AFF3: variants seen among roughly 807,000 people sequenced by gnomAD.
AFF3 encodes ALF transcription elongation factor 3, also known as AF4/FMR2 family member 3.
Under a neutral mutation model 129.7 loss-of-function variants are expected in AFF3, and 32 were observed. That is an observed-to-expected ratio of 0.25 (90% CI 0.19 to 0.33). The LOEUF is 0.33. Ranked by LOEUF, AFF3 falls within the 10% of genes least tolerant of loss-of-function variation. AFF3 has a pLI of 1.00. For synonymous variants in AFF3, 644 were observed against 635.4 expected (o/e 1.01, Z -0.20); for missense variants, 1,373 against 1,592.0 (o/e 0.86, Z 2.34).
chr2:99,719,540 T>C (rs761868985), intron 11 of AFF3, among the ~76,000 whole-genome samples: 1 of 152,224 alleles, frequency 6.6e-6, no homozygotes, highest in Non-Finnish European at 1.5e-5. Context: ...TTAGTTCATT[T>C]GTTGGTGTTC....
Position 99,554,393 on chromosome 2 carries a change from G to A in AFF3, c.3477C>T (p.Ala1159=), listed in dbSNP as rs1231855389. Reference sequence around the variant, plus strand: ...TGCTGTTGGTGATGCTGACGTGGTTGGCCGCCATCTGGTGGATGCGCTGTG... The same window carrying A: ...TGCTGTTGGTGATGCTGACGTGGTTAGCCGCCATCTGGTGGATGCGCTGTG... ...SIPQRIHQMA[A]NHVSITNSIL... is the part of the protein sequence containing the mutation. Residue 1159 remains alanine, a synonymous_variant, in exon 24 of 25, where the codon GCC becomes GCT. Transcript: ENST00000672756. 6.2e-7 allele frequency: 1 copy of A among 1,614,082 alleles called. No homozygotes were observed. The highest frequency in any genetic ancestry group is 1.3e-5 in the African/African-American group (1 of 74,934).
chr2:99,647,766 A>G (rs1684824658), intron 13 of AFF3, among the ~76,000 whole-genome samples: 1 of 152,260 alleles, frequency 6.6e-6, no homozygotes, highest in East Asian at 1.9e-4. Context: ...TTCTGAATAG[A>G]AAAAGTGCTA....
intron 7 of AFF3, among the ~76,000 whole-genome samples, chr2:99,968,403 C>T (rs991080743): frequency 6.6e-6 from 1 of 152,194 alleles, no homozygotes; most frequent in African/African-American, 2.4e-5. Flanking sequence ...TAAGCATCTA[C>T]AGAGTTAAGG....
In AFF3 at chr2:99,628,544, CCTTT is replaced by C. The variant is rs201744998; in HGVS notation, c.1184+21078_1184+21081del. Among the ~76,000 whole-genome samples, 444 of 151,736 alleles carry C rather than the reference CCTTT, an allele frequency of 2.9e-3. 5 individuals are homozygous for C. The highest frequency in any genetic ancestry group is 1.0e-2 in the African/African-American group (412 of 41,370). Reference sequence around the variant, plus strand: ...ACTTCCTCTCTTCCTATTTGAATACCCTTTCTTTCTTTTTTTTTTTCTTTTTTCT... The same window carrying C: ...ACTTCCTCTCTTCCTATTTGAATACCCTTTCTTTTTTTTTTTCTTTTTTCT... On this transcript the variant is annotated intron_variant, in intron 13 of 24. Coordinates refer to ENST00000672756, the MANE Select transcript of AFF3 (RefSeq NM_001386135.1).
intron 7 of AFF3, among the ~76,000 whole-genome samples, chr2:99,889,888 G>A (rs1693416104): frequency 2.0e-5 from 3 of 152,100 alleles, no homozygotes; most frequent in South Asian, 2.1e-4. Context: ...TCGAACTCCC[G>A]ACCTCAGGTG....
chr2:100,124,819 T>A (rs1220819529), intron 2 of AFF3, among the ~76,000 whole-genome samples: 2 of 152,178 alleles, frequency 1.3e-5, no homozygotes. Context: ...GAATGTATAA[T>A]AAGGTCATAA....
intron 7 of AFF3, among the ~76,000 whole-genome samples, chr2:99,954,184 C>T (rs1676416728): frequency 6.6e-6 from 1 of 151,946 alleles, no homozygotes; most frequent in African/African-American, 2.4e-5. Context: ...ATACCTTTAG[C>T]ATTATCTAAA....
intron 8 of AFF3, among the ~76,000 whole-genome samples, chr2:99,802,688 G>A (rs1576027116): frequency 9.9e-6 from 1 of 101,068 alleles, no homozygotes; most frequent in Non-Finnish European, 2.0e-5. Context: ...ATTTTCCTAG[G>A]GTGTCTTTTT....
rs757050657 is a variant in AFF3, at chr2:100,008,892, G to T, written c.94C>A (p.Arg32=). The change falls in exon 5 of 25, where the codon CGA becomes AGA. Residue 32 remains arginine, a synonymous_variant. Transcript: ENST00000672756. ...PDRNALRRKE[R]ERRNQETQQD... ...TGAGTTTCTTGATTTCTTCTTTCTC[G>T]TTCTTTCCTCCGTAATGCATTTCTA... 2.5e-6 allele frequency: 4 copies of T among 1,613,820 alleles called. No homozygotes were observed. Among genetic ancestry groups the T allele is most frequent in the African/African-American group, 2.7e-5 (2 of 74,898 alleles).
intron 1 of AFF3, among the ~76,000 whole-genome samples, chr2:100,134,695 T>C (rs6732674): frequency 0.044 from 6,696 of 152,276 alleles, 392 homozygotes; most frequent in African/African-American, 0.14. Context: ...TAGCTTTTAC[T>C]CTCCTCTCCA....
chr2:99,832,736 T>C (rs971170634), intron 8 of AFF3, among the ~76,000 whole-genome samples: 1 of 152,238 alleles, frequency 6.6e-6, no homozygotes, highest in Non-Finnish European at 1.5e-5. Context: ...GCTAGACTTA[T>C]TGTAGGTTTT....
chr2:99,644,684 T>C (rs1372039880), intron 13 of AFF3, among the ~76,000 whole-genome samples: 2 of 152,218 alleles, frequency 1.3e-5, no homozygotes, highest in Non-Finnish European at 2.9e-5. Flanking sequence ...GCTTGATAAA[T>C]CACATGAATC....
At chr2:100,065,988 T>C (rs1197450770) in intron 4 of AFF3, among the ~76,000 whole-genome samples, 1 of 152,202 alleles carries the variant, frequency 6.6e-6, no homozygotes, top group Non-Finnish European at 1.5e-5. Context: ...AGTGATTATA[T>C]ACACTAGTTA....
At chr2:100,084,987 T>C (rs868610163) in intron 4 of AFF3, among the ~76,000 whole-genome samples, 1 of 151,984 alleles carries the variant, frequency 6.6e-6, no homozygotes, top group African/African-American at 2.4e-5. Flanking sequence ...GCATATTGCA[T>C]ATAAATTACT....
At chr2:99,730,742 T>C (rs1472872646) in intron 10 of AFF3, among the ~76,000 whole-genome samples, 1 of 152,030 alleles carries the variant, frequency 6.6e-6, no homozygotes, top group Non-Finnish European at 1.5e-5. Flanking sequence ...CTCCAACTCC[T>C]GACCTTGTGA....
At chr2:100,039,253 G>A (rs1347172528) in intron 4 of AFF3, among the ~76,000 whole-genome samples, 1 of 152,082 alleles carries the variant, frequency 6.6e-6, no homozygotes, top group Non-Finnish European at 1.5e-5. Context: ...CCAGAATTTT[G>A]GCATAACATA....
At chr2:100,003,252 C>T (rs951494808) in intron 7 of AFF3, among the ~76,000 whole-genome samples, 5 of 152,200 alleles carry the variant, frequency 3.3e-5, no homozygotes, top group Admixed American at 3.3e-4. Flanking sequence ...ATCTGCCTCT[C>T]TAGGTTAACA....
chr2:99,741,461 C>A (rs1680714643), intron 10 of AFF3, among the ~76,000 whole-genome samples: 1 of 152,044 alleles, frequency 6.6e-6, no homozygotes, highest in Non-Finnish European at 1.5e-5. Flanking sequence ...AGTGAACTCC[C>A]ATTCACAATT....
At chr2:99,803,343 T>C (rs1033196658) in intron 8 of AFF3, among the ~76,000 whole-genome samples, 1 of 152,126 alleles carries the variant, frequency 6.6e-6, no homozygotes, top group African/African-American at 2.4e-5. Flanking sequence ...TAGTATTTCA[T>C]TGAGGATTTT....
Sources: allele counts gnomAD v4.1 joint callset (sites outside exome capture counted in the v4.1 genomes callset), GRCh38; gene constraint gnomAD v4.1.1; transcripts MANE v1.5; gene names NCBI Gene and HGNC (gene_info 2026-07-23, HGNC 2026-07-21).